Variants in NFATC3 observed in about 807,000 individuals in gnomAD.
The protein encoded by NFATC3 is nuclear factor of activated T cells 3, also known as nuclear factor of activated T-cells, cytoplasmic 3.
A neutral mutation model predicts 98.6 loss-of-function variants in NFATC3; 46 were observed. The ratio of observed to expected loss-of-function variants is 0.47; its 90% confidence interval spans 0.37 to 0.60. The LOEUF (loss-of-function observed/expected upper bound fraction) is 0.60. Among genes scored for constraint, NFATC3 ranks in the 20% least tolerant of loss-of-function variants. The pLI, the probability that NFATC3 is intolerant of heterozygous loss-of-function variation, is 0.00. For synonymous variants in NFATC3, 512 were observed against 472.2 expected (o/e 1.08, Z -1.09); for missense variants, 1,256 against 1,295.5 (o/e 0.97, Z 0.47).
chr16:68,086,918 A>T, intron 1 of NFATC3: 1 of 470,076 alleles, frequency 2.1e-6, no homozygotes, highest in Non-Finnish European at 2.8e-6. Context: ...ACATAATTTG[A>T]GCACCTATTA....
At chr16:68,179,026 T>C (rs973640111) in intron 6 of NFATC3, among the ~76,000 whole-genome samples, 4 of 152,224 alleles carry the variant, frequency 2.6e-5, no homozygotes, top group Non-Finnish European at 5.9e-5. Flanking sequence ...TCATACTTTA[T>C]ACAGCATCAC....
At chr16:68,099,058 T>G (rs1039320347) in intron 1 of NFATC3, among the ~76,000 whole-genome samples, 2 of 152,226 alleles carry the variant, frequency 1.3e-5, no homozygotes, top group Admixed American at 1.3e-4. Flanking sequence ...CAATTTTACA[T>G]GCACTGATTT....
intron 9 of NFATC3, among the ~76,000 whole-genome samples, chr16:68,220,419 C>T (rs1353826247): frequency 6.6e-6 from 1 of 151,968 alleles, no homozygotes; most frequent in Non-Finnish European, 1.5e-5. Flanking sequence ...CAAGACCACA[C>T]CACTGCACTC....
intron 9 of NFATC3, chr16:68,200,368 A>G (rs914172425): frequency 2.6e-5 from 4 of 151,520 alleles, no homozygotes; most frequent in Admixed American, 6.6e-5. Flanking sequence ...GTGAGTCATA[A>G]TTATGCAAAG....
At position 68,148,248 on chromosome 16, in the gene NFATC3, T is replaced by G. The variant is rs549051490; in HGVS notation, c.1402-9621T>G. On this transcript the variant is annotated intron_variant, in intron 3 of 9. Coordinates refer to ENST00000346183, the MANE Select transcript of NFATC3 (RefSeq NM_173165.3). Reference sequence around the variant, plus strand: ...TCAGGCTGGTCTCGAACTCCCGACCTCGGGTGATCCACCTGCCTAGGCCTC... The same window carrying G: ...TCAGGCTGGTCTCGAACTCCCGACCGCGGGTGATCCACCTGCCTAGGCCTC... 3.3e-5 allele frequency among the ~76,000 whole-genome samples: 5 copies of G among 152,270 alleles called. No homozygotes were observed. The East Asian group carries it at 9.7e-4, about 29-fold the overall frequency.
chr16:68,154,895 G>A (rs1004375445), intron 3 of NFATC3, among the ~76,000 whole-genome samples: 2 of 152,144 alleles, frequency 1.3e-5, no homozygotes, highest in African/African-American at 4.8e-5. Flanking sequence ...AGAGTTCTGA[G>A]CAGGGGAGCC....
chr16:68,200,207 T>G (rs966725599), intron 9 of NFATC3: 1 of 151,898 alleles, frequency 6.6e-6, no homozygotes, highest in African/African-American at 2.4e-5. Flanking sequence ...ACCGTGATGT[T>G]TAAGTTCCCT....
At chr16:68,160,764 A>C (rs1490814971) in intron 4 of NFATC3, among the ~76,000 whole-genome samples, 1 of 151,928 alleles carries the variant, frequency 6.6e-6, no homozygotes, top group African/African-American at 2.4e-5. Context: ...AGCTCACTAC[A>C]ACCTCTGCCT....
chr16:68,185,055 C>T (rs184858929), intron 8 of NFATC3, among the ~76,000 whole-genome samples: 1 of 151,564 alleles, frequency 6.6e-6, no homozygotes, highest in Admixed American at 6.6e-5. Flanking sequence ...GATCTTGGCT[C>T]ACTGCAACCT....
intron 1 of NFATC3, among the ~76,000 whole-genome samples, chr16:68,104,671 A>ATTTTTTTTTTTTTTTTT (rs2035552780): frequency 1.1e-5 from 1 of 90,508 alleles, no homozygotes; most frequent in African/African-American, 5.2e-5. Flanking sequence ...TTTTTTTTTG[A>ATTTTTTTTTTTTTTTTT]AATGGAGTCT....
intron 9 of NFATC3, among the ~76,000 whole-genome samples, chr16:68,203,472 A>G (rs1046925047): frequency 1.3e-5 from 2 of 152,034 alleles, no homozygotes; most frequent in African/African-American, 2.4e-5. Flanking sequence ...TCTCTATAAA[A>G]AATACCAGAA....
intron 9 of NFATC3, among the ~76,000 whole-genome samples, chr16:68,217,343 G>T (rs2041675356): frequency 6.6e-6 from 1 of 151,618 alleles, no homozygotes; most frequent in Non-Finnish European, 1.5e-5. Context: ...GAGGCAGGAG[G>T]CTCCCTTGAG....
At chr16:68,123,210 A>G (rs2036640636) in intron 2 of NFATC3, 89 bp downstream of exon 2, 4 of 1,363,044 alleles carry the variant, frequency 2.9e-6, no homozygotes, top group African/African-American at 1.4e-5. Context: ...TAATGGTTAT[A>G]TAATGGTTTG....
chr16:68,142,561 C>G (rs1473955274), intron 3 of NFATC3, among the ~76,000 whole-genome samples: 2 of 152,050 alleles, frequency 1.3e-5, no homozygotes, highest in Non-Finnish European at 2.9e-5. Context: ...AGTTAGAGAC[C>G]AGCCTGGCCA....
At chr16:68,176,512 C>T (rs977957915) in intron 6 of NFATC3, among the ~76,000 whole-genome samples, 1 of 152,088 alleles carries the variant, frequency 6.6e-6, no homozygotes, top group Admixed American at 6.6e-5. Flanking sequence ...AATTTATTAT[C>T]CTTTCTCTTA....
intron 1 of NFATC3, chr16:68,086,907 A>T (rs1358109893): frequency 1.7e-6 from 1 of 572,156 alleles, no homozygotes; most frequent in Non-Finnish European, 2.2e-6. Flanking sequence ...CAATTCCATT[A>T]ACATAATTTG....
At chr16:68,152,909 A>G (rs59919561) in intron 3 of NFATC3, among the ~76,000 whole-genome samples, 1,997 of 152,336 alleles carry the variant, frequency 0.013, 43 homozygotes, top group African/African-American at 0.045. Context: ...ATCACTTCAC[A>G]CTACCGCTCA....
At chr16:68,143,584 C>G (rs939417540) in intron 3 of NFATC3, among the ~76,000 whole-genome samples, 1 of 150,356 alleles carries the variant, frequency 6.7e-6, no homozygotes, top group Non-Finnish European at 1.5e-5. Flanking sequence ...AGCGGTGGCT[C>G]ACACCTGTGA....
intron 1 of NFATC3, among the ~76,000 whole-genome samples, chr16:68,120,114 C>CAAA (rs536178978): frequency 1.7e-5 from 1 of 57,922 alleles, no homozygotes; most frequent in African/African-American, 6.1e-5. Flanking sequence ...CCTGTCTCTA[C>CAAA]AAAAAAAAAA....
Sources: allele counts gnomAD v4.1 joint callset (sites outside exome capture counted in the v4.1 genomes callset), GRCh38; gene constraint gnomAD v4.1.1; transcripts MANE v1.5; gene names NCBI Gene and HGNC (gene_info 2026-07-23, HGNC 2026-07-21).